The following NDUFV1 variants were observed in gnomAD, a reference collection of about 807,000 sequenced individuals.
NDUFV1 encodes NADH dehydrogenase [ubiquinone] flavoprotein 1, mitochondrial.
In NDUFV1, 41 loss-of-function variants were observed where a neutral mutation model predicts 48.7. The ratio of observed to expected loss-of-function variants is 0.84; its 90% CI spans 0.66 to 1.09. The LOEUF is 1.09. Ranked by LOEUF, NDUFV1 falls within the 50% of genes least tolerant of loss-of-function variation. The pLI is 0.00. For synonymous variants in NDUFV1, 231 were observed against 259.1 expected (o/e 0.89, Z 1.04); for missense variants, 580 against 645.4 (o/e 0.90, Z 1.10).
rs374675316 is a variant in NDUFV1 at position 67,608,414 on chromosome 11, T to C, written c.91T>C (p.Ser31Pro). The change falls in exon 2 of 10, where the codon TCA becomes CCA. Residue 31 changes from serine to proline, a missense_variant. By Grantham distance (74) the Ser-to-Pro change is moderately conservative. Coordinates refer to ENST00000322776, the MANE Select transcript of NDUFV1 (RefSeq NM_007103.4). Reference sequence around the variant, plus strand: ...TCCCTAGACAGCACCCAAGAAAACCTCATTTGGCTCGCTGAAGGATGAAGA... The same window carrying C: ...TCCCTAGACAGCACCCAAGAAAACCCCATTTGGCTCGCTGAAGGATGAAGA... Reference protein sequence around the residue: ...SGDTTAPKKTSFGSLKDEDRI... With the variant: ...SGDTTAPKKTPFGSLKDEDRI... 84 of 1,613,784 alleles carry C rather than the reference T, an allele frequency of 5.2e-5. No individual in the cohort carries two copies. The highest frequency in any genetic ancestry group is 4.7e-4 in the South Asian group (43 of 91,066).
At position 67,608,538 on chromosome 11, in the gene NDUFV1, C is replaced by A; in HGVS notation, c.156-14C>A. ...GCAAGGTGTCCCCTTCATTGCCTTC[C>A]CTATTCTGTCCAGGCTGAAAGGTTC... On this transcript the variant is annotated splice_polypyrimidine_tract_variant and intron_variant, in intron 2 of 9. Coordinates refer to ENST00000322776, the MANE Select transcript of NDUFV1 (RefSeq NM_007103.4). 6.2e-7 allele frequency: 1 copy of A among 1,614,198 alleles called. No individual in the cohort carries two copies. Among genetic ancestry groups the A allele is most frequent in the Non-Finnish European group, 8.5e-7 (1 of 1,180,028 alleles).
Position 67,610,146 on chromosome 11 carries a change from C to T in NDUFV1, c.511-235C>T, listed in dbSNP as rs1206750288. 7.0e-6 allele frequency: 4 copies of T among 571,064 alleles called. No homozygotes were observed. The South Asian group carries it at 8.3e-5, about 12-fold the overall frequency. 35.4% of individuals were successfully genotyped at this position (571,064 alleles called of 1,614,324 possible). A position where few individuals can be genotyped will look rare whatever the true frequency, so the allele number is the denominator to read the frequency against. ...TAGTTAGGAGACCTGATAGTAGCTA[C>T]TTCGTTTTTATTTTCCTGGCAGCAA... On this transcript the variant is annotated intron_variant, in intron 4 of 9. Coordinates refer to ENST00000322776, the MANE Select transcript of NDUFV1 (RefSeq NM_007103.4).
Position 67,611,186 on chromosome 11 carries a change from G to C in NDUFV1, c.892G>C (p.Glu298Gln). The C allele has an allele frequency of 6.2e-7, 1 of 1,614,136 alleles. No homozygotes were observed. The highest frequency in any genetic ancestry group is 8.5e-7 in the Non-Finnish European group (1 of 1,180,024). Residue 298 changes from glutamate (E) to glutamine (Q), a missense_variant, in exon 6 of 10, where the codon GAA becomes CAA. Coordinates refer to ENST00000322776, the MANE Select transcript of NDUFV1 (RefSeq NM_007103.4). The surrounding 1 kb of genome is among the most constrained non-coding windows in gnomAD (Gnocchi z 4.2). Reference protein sequence around the residue: ...VEEEMSVPLKELIEKHAGGVT... With the variant: ...VEEEMSVPLKQLIEKHAGGVT... Reference sequence around the variant, plus strand: ...GGAGGAGATGTCTGTGCCCTTGAAAGAACTGATTGAGAAGCATGCTGGTAA... The same window carrying C: ...GGAGGAGATGTCTGTGCCCTTGAAACAACTGATTGAGAAGCATGCTGGTAA...
intron 1 of NDUFV1, 156 bp from the exon 2 acceptor site, chr11:67,608,240 G>T: frequency 4.4e-6 from 3 of 681,306 alleles, no homozygotes; most frequent in South Asian, 1.6e-5. Context: ...AAAAAAAAAT[G>T]CTTACTAAGT....
Position 67,608,672 on chromosome 11 carries a change from C to A in NDUFV1, c.276C>A (p.Gly92=). ...TSGLRGRGGA[G]FPTGLKWSFM... is the part of the protein sequence containing the mutation. Reference sequence around the variant, plus strand: ...GTTTGAGGGGCCGTGGAGGCGCTGGCTTCCCCACTGGCCTCAAGTGGAGCT... The same window carrying A: ...GTTTGAGGGGCCGTGGAGGCGCTGGATTCCCCACTGGCCTCAAGTGGAGCT... The change falls in exon 3 of 10, where the codon GGC becomes GGA. Residue 92 remains glycine, a synonymous_variant. Coordinates refer to ENST00000322776, the MANE Select transcript of NDUFV1 (RefSeq NM_007103.4). 1 of 1,614,148 alleles carries A rather than the reference C, an allele frequency of 6.2e-7. No individual in the cohort carries two copies. Among genetic ancestry groups the A allele is most frequent in the Non-Finnish European group, 8.5e-7 (1 of 1,180,006 alleles).
rs1436786751 is a variant in NDUFV1, at chr11:67,611,157, TGGA to T, written c.871_873del (p.Glu291del). The T allele has an allele frequency of 5.0e-6, 8 of 1,613,864 alleles. No homozygotes were observed. Among genetic ancestry groups the T allele is most frequent in the East Asian group, 2.2e-5 (1 of 44,884 alleles). On this transcript the variant is annotated inframe_deletion, in exon 6 of 10. Coordinates refer to ENST00000322776, the MANE Select transcript of NDUFV1 (RefSeq NM_007103.4). The surrounding 1 kb of genome is among the most constrained non-coding windows in gnomAD (Gnocchi z 4.2). ...GGCCATGTCAACCACCCTTGCACTG[TGGA>T]GGAGGAGATGTCTGTGCCCTTGAAA...
At chr11:67,609,055 T>G (rs1357474458) in intron 3 of NDUFV1, among the ~76,000 whole-genome samples, 1 of 152,202 alleles carries the variant, frequency 6.6e-6, no homozygotes, top group Non-Finnish European at 1.5e-5. Context: ...ATTAAAGAGA[T>G]AATGTTCATA....
At chr11:67,608,297 A>G (rs1854847436) in intron 1 of NDUFV1, 99 bp from the exon 2 acceptor site, 3 of 1,132,382 alleles carry the variant, frequency 2.6e-6, no homozygotes, top group Non-Finnish European at 4.0e-6. Context: ...GCCCTAGCCC[A>G]GCCCCTCCTA....
chr11:67,610,365 C>T lies in NDUFV1; in HGVS notation c.511-16C>T, dbSNP rs749240413. The T allele has an allele frequency of 8.7e-6, 14 of 1,614,018 alleles. 1 individual carries two copies. In the South Asian group the frequency reaches 1.3e-4, roughly 15 times the overall value. ...GGCTGGGGGTGGGCTGGGAAACTCA[C>T]ACCTTTGTCCTGCAGGTGGCCATCC... On this transcript the variant is annotated splice_polypyrimidine_tract_variant and intron_variant, in intron 4 of 9. Coordinates refer to ENST00000322776, the MANE Select transcript of NDUFV1 (RefSeq NM_007103.4).
intron 5 of NDUFV1, chr11:67,610,777 G>T: frequency 1.3e-6 from 1 of 796,778 alleles, no homozygotes; most frequent in South Asian, 1.6e-5. Context: ...GTGCTGCTCT[G>T]TGGCTCCACC....
At chr11:67,608,896 A>G (rs1450904086) in intron 3 of NDUFV1, among the ~76,000 whole-genome samples, 174 bp downstream of exon 3, 1 of 152,166 alleles carries the variant, frequency 6.6e-6, no homozygotes, top group Non-Finnish European at 1.5e-5. Context: ...GGGGAGACTT[A>G]TGTAGCAGAA....
chr11:67,611,406 G>T lies in NDUFV1; in HGVS notation c.917G>T (p.Gly306Val), dbSNP rs528790418. 6.2e-7 allele frequency: 1 copy of T among 1,613,658 alleles called. No homozygotes were observed. The highest frequency in any genetic ancestry group is 1.1e-5 in the South Asian group (1 of 91,058). Reference protein sequence around the residue: ...LKELIEKHAGGVTGGWDNLLA... With the variant: ...LKELIEKHAGVVTGGWDNLLA... ...GGGGACCGACTTGGGGCCCCAGGGGGTGTCACGGGCGGCTGGGACAACCTC... is the reference window on the plus strand; with the variant it reads ...GGGGACCGACTTGGGGCCCCAGGGGTTGTCACGGGCGGCTGGGACAACCTC... The change falls in exon 7 of 10, where the codon GGT becomes GTT. Residue 306 changes from glycine (G) to valine (V), a missense_variant. Coordinates refer to ENST00000322776, the MANE Select transcript of NDUFV1 (RefSeq NM_007103.4). This position sits in a 1 kb window ranked among gnomAD's most constrained non-coding sequence, Gnocchi z 4.2.
In NDUFV1 at chr11:67,611,917, C is replaced by A. The variant is rs763697817; in HGVS notation, c.1101C>A (p.Ile367=). 6.2e-7 allele frequency: 1 copy of A among 1,613,966 alleles called. No homozygotes were observed. The highest frequency in any genetic ancestry group is 2.2e-5 in the East Asian group (1 of 44,860). ...MDRSTDIVKA[I]ARLIEFYKHE... ...CCCAGACGGACATCGTGAAAGCCAT[C>A]GCCCGCCTCATTGAGTTCTATAAGC... Residue 367 remains isoleucine (I), a synonymous_variant, in exon 8 of 10, where the codon ATC becomes ATA. Coordinates refer to ENST00000322776, the MANE Select transcript of NDUFV1 (RefSeq NM_007103.4). The surrounding 1 kb of genome is among the most constrained non-coding windows in gnomAD (Gnocchi z 4.2).
Position 67,609,626 on chromosome 11 carries a change from C to T in NDUFV1, c.501C>T (p.Ser167=). 6.2e-7 allele frequency: 1 copy of T among 1,604,350 alleles called. No homozygotes were observed. The highest frequency in any genetic ancestry group is 8.5e-7 in the Non-Finnish European group (1 of 1,179,984). Residue 167 remains serine, a synonymous_variant, in exon 4 of 10, where the codon TCC becomes TCT. Transcript: ENST00000322776. ...GAGGGGAATTCTACAATGAGGCCTC[C>T]AATCTGCAGGTGGGTAGGGAGAGAT... ...YIRGEFYNEA[S]NLQVAIREAY...
rs568068157 is a variant in NDUFV1 at position 67,610,466 on chromosome 11, G to C, written c.596G>C (p.Arg199Pro). 1.9e-6 allele frequency: 3 copies of C among 1,614,064 alleles called. No individual in the cohort carries two copies. The highest frequency in any genetic ancestry group is 2.5e-6 in the Non-Finnish European group (3 of 1,180,044). ...TATGATTTTGACGTGTTTGTGGTGC[G>C]CGGGGCTGGGGCCTACATCTGTGGA... ...SGYDFDVFVV[R>P]GAGAYICGEE... The change falls in exon 5 of 10, where the codon CGC (arginine) becomes CCC (proline). Residue 199 changes from arginine to proline, a missense_variant. Arg to Pro is a moderately radical substitution (Grantham distance 103). Transcript: ENST00000322776.
chr11:67,611,588 G>T lies in NDUFV1; in HGVS notation c.1080+19G>T. The stretch of plus-strand genomic sequence containing the variant: ...CCGCTCGGTAAGGGTTCACACACCA[G>T]CCCTGGTCCCTGCCCTCCTGGTTGC... On this transcript the variant is annotated intron_variant, in intron 7 of 9. Coordinates refer to ENST00000322776, the MANE Select transcript of NDUFV1 (RefSeq NM_007103.4). The surrounding 1 kb of genome is among the most constrained non-coding windows in gnomAD (Gnocchi z 4.2). The T allele has an allele frequency of 1.3e-6, 2 of 1,593,348 alleles. No homozygotes were observed. The highest frequency in any genetic ancestry group is 1.7e-6 in the Non-Finnish European group (2 of 1,169,750).
Position 67,607,022 on chromosome 11 carries a change from G to T in NDUFV1, c.18G>T (p.Arg6=). The T allele has an allele frequency of 6.2e-7, 1 of 1,610,010 alleles. No individual in the cohort carries two copies. The highest frequency in any genetic ancestry group is 8.5e-7 in the Non-Finnish European group (1 of 1,179,140). Residue 6 remains arginine (R), a synonymous_variant, in exon 1 of 10, where the codon CGG becomes CGT. Coordinates refer to ENST00000322776, the MANE Select transcript of NDUFV1 (RefSeq NM_007103.4). ...CCGCCGCGATGCTGGCAACACGGCG[G>T]CTGCTCGGCTGGTCGCTTCCCGCGC... The part of the protein sequence containing the change: MLATR[R]LLGWSLPARV...
At position 67,607,046 on chromosome 11, in the gene NDUFV1, G is replaced by A. The variant is rs1226502036; in HGVS notation, c.42G>A (p.Ala14=). The change falls in exon 1 of 10, where the codon GCG becomes GCA. Residue 14 remains alanine (A), a synonymous_variant. Transcript: ENST00000322776. ...TRRLLGWSLP[A]RVSVRFSGDT... ...GGCTGCTCGGCTGGTCGCTTCCCGC[G>A]CGGGTATCTGTGCGTTTCAGCGGCG... 1.9e-6 allele frequency: 3 copies of A among 1,608,994 alleles called. No homozygotes were observed. The highest frequency in any genetic ancestry group is 2.2e-5 in the East Asian group (1 of 44,740).
Position 67,611,957 on chromosome 11 carries a change from C to T in NDUFV1, c.1141C>T (p.Gln381Ter), listed in dbSNP as rs1416843620. 6.2e-7 allele frequency: 1 copy of T among 1,613,984 alleles called. No individual in the cohort carries two copies. The highest frequency in any genetic ancestry group is 1.1e-5 in the South Asian group (1 of 91,082). Residue 381 changes from glutamine (Q) to a stop codon, truncating the protein, a stop_gained, in exon 8 of 10, where the codon CAG becomes TAG. Coordinates refer to ENST00000322776, the MANE Select transcript of NDUFV1 (RefSeq NM_007103.4). LOFTEE classifies it high-confidence loss of function. The surrounding 1 kb of genome is among the most constrained non-coding windows in gnomAD (Gnocchi z 4.2). Reference sequence around the variant, plus strand: ...GTTCTATAAGCACGAGAGCTGTGGCCAGTGTACCCCATGCCGTGAGGGTGA... The same window carrying T: ...GTTCTATAAGCACGAGAGCTGTGGCTAGTGTACCCCATGCCGTGAGGGTGA... ...IEFYKHESCG[Q>*]CTPCREGVDW...
Sources: gnomAD v4.1 joint callset for allele counts (sites outside exome capture counted in the v4.1 genomes callset) on GRCh38, gnomAD v4.1.1 for gene constraint, Gnocchi (gnomAD v3.1) non-coding constraint, MANE v1.5 for transcripts, NCBI Gene and HGNC (gene_info 2026-07-23, HGNC 2026-07-21) for gene names.